The following LRRTM4 variants were observed in gnomAD, a reference collection of about 807,000 sequenced individuals.
The protein encoded by LRRTM4 is leucine-rich repeat transmembrane neuronal protein 4.
A neutral mutation model predicts 47.6 loss-of-function variants in LRRTM4; 25 were observed. The ratio of observed to expected loss-of-function variants is 0.53; its 90% confidence interval spans 0.38 to 0.73. LRRTM4 has a LOEUF of 0.73. Among genes scored for constraint, LRRTM4 ranks in the 30% least tolerant of loss-of-function variants. The pLI, the probability that LRRTM4 is intolerant of heterozygous loss-of-function variation, is 0.00. For synonymous variants in LRRTM4, 311 were observed against 269.5 expected (o/e 1.15, Z -1.51); for missense variants, 638 against 713.4 (o/e 0.89, Z 1.20).
chr2:77,382,141 C>T (rs1673078957), intron 3 of LRRTM4, among the ~76,000 whole-genome samples: 1 of 151,968 alleles, frequency 6.6e-6, no homozygotes, highest in South Asian at 2.1e-4. Context: ...GCTTATTATA[C>T]ACTCTGAATA....
chr2:77,002,404 T>A (rs1677465674), intron 3 of LRRTM4, among the ~76,000 whole-genome samples: 1 of 152,066 alleles, frequency 6.6e-6, no homozygotes, highest in Non-Finnish European at 1.5e-5. Flanking sequence ...TGTATGCAGA[T>A]CCCCAGCAAA....
At chr2:76,788,619 T>C (rs1162942235) in intron 3 of LRRTM4, among the ~76,000 whole-genome samples, 1 of 152,182 alleles carries the variant, frequency 6.6e-6, no homozygotes, top group East Asian at 1.9e-4. Context: ...TAAGCTTAGA[T>C]CAAAATTTAA....
intron 3 of LRRTM4, chr2:77,517,891 A>T: frequency 1.0e-6 from 1 of 988,440 alleles, no homozygotes; most frequent in Non-Finnish European, 1.2e-6. Flanking sequence ...AATCTTCATT[A>T]CCTTCTGGAA....
intron 3 of LRRTM4, among the ~76,000 whole-genome samples, chr2:76,981,995 T>C (rs1676625711): frequency 6.6e-6 from 1 of 152,116 alleles, no homozygotes; most frequent in Non-Finnish European, 1.5e-5. Flanking sequence ...TGCCCTTTGA[T>C]GCAAGGGGGC....
chr2:77,397,251 G>A (rs1673739593), intron 3 of LRRTM4, among the ~76,000 whole-genome samples: 1 of 151,762 alleles, frequency 6.6e-6, no homozygotes, highest in South Asian at 2.1e-4. Flanking sequence ...AATGGAGACT[G>A]GAACTCAGGT....
At chr2:77,359,846 C>T (rs1011922765) in intron 3 of LRRTM4, among the ~76,000 whole-genome samples, 1 of 152,108 alleles carries the variant, frequency 6.6e-6, no homozygotes, top group African/African-American at 2.4e-5. Context: ...ACAGTATTTG[C>T]TTTACAGGTT....
intron 3 of LRRTM4, among the ~76,000 whole-genome samples, chr2:77,429,689 T>C (rs1218695310): frequency 6.6e-6 from 1 of 152,054 alleles, no homozygotes; most frequent in African/African-American, 2.4e-5. Flanking sequence ...GGAATGGCGG[T>C]TATCAGGAGC....
chr2:76,922,398 C>A (rs1674460426), intron 3 of LRRTM4, among the ~76,000 whole-genome samples: 1 of 151,972 alleles, frequency 6.6e-6, no homozygotes, highest in African/African-American at 2.4e-5. Context: ...TGGGAAGTGC[C>A]ACATACTTTC....
At chr2:77,130,462 C>G (rs940725031) in intron 3 of LRRTM4, among the ~76,000 whole-genome samples, 5 of 152,004 alleles carry the variant, frequency 3.3e-5, no homozygotes, top group Non-Finnish European at 7.4e-5. Flanking sequence ...CATAGTAAAA[C>G]TAATGTTATT....
At chr2:77,417,669 A>G (rs143215598) in intron 3 of LRRTM4, among the ~76,000 whole-genome samples, 1 of 151,822 alleles carries the variant, frequency 6.6e-6, no homozygotes, top group Non-Finnish European at 1.5e-5. Flanking sequence ...AAGGACAAAA[A>G]ACCAAGCACC....
chr2:77,183,005 A>G (rs1410381413), intron 3 of LRRTM4, among the ~76,000 whole-genome samples: 1 of 152,238 alleles, frequency 6.6e-6, no homozygotes, highest in South Asian at 2.1e-4. Flanking sequence ...AGGCAATACC[A>G]TTCAGGACAT....
chr2:77,260,231 T>C (rs1454743624), intron 3 of LRRTM4, among the ~76,000 whole-genome samples: 1 of 152,076 alleles, frequency 6.6e-6, no homozygotes, highest in African/African-American at 2.4e-5. Flanking sequence ...AATAAACCCA[T>C]CCAAAATTTC....
chr2:77,035,508 A>G (rs1428596184), intron 3 of LRRTM4, among the ~76,000 whole-genome samples: 6 of 152,040 alleles, frequency 3.9e-5, no homozygotes, highest in South Asian at 2.1e-4. Flanking sequence ...TATCATTTCT[A>G]TAATTTTATT....
At chr2:76,964,656 C>G (rs1468266323) in intron 3 of LRRTM4, among the ~76,000 whole-genome samples, 2 of 134,616 alleles carry the variant, frequency 1.5e-5, no homozygotes, top group Non-Finnish European at 3.1e-5. Flanking sequence ...AATTAATAAT[C>G]TAATCTTCCT....
At chr2:77,298,002 T>C (rs1317157461) in intron 3 of LRRTM4, among the ~76,000 whole-genome samples, 1 of 152,146 alleles carries the variant, frequency 6.6e-6, no homozygotes, top group African/African-American at 2.4e-5. Flanking sequence ...CTTTTCGAAT[T>C]AAGCATGATG....
intron 3 of LRRTM4, among the ~76,000 whole-genome samples, chr2:77,396,851 C>G (rs60613213): frequency 1.3e-5 from 2 of 151,742 alleles, no homozygotes; most frequent in Non-Finnish European, 2.9e-5. Context: ...TTTGAATATA[C>G]GTTTCTTAAA....
chr2:77,504,586 T>C (rs2104086126), intron 3 of LRRTM4, among the ~76,000 whole-genome samples: 1 of 151,724 alleles, frequency 6.6e-6, no homozygotes, highest in East Asian at 1.9e-4. Flanking sequence ...CTGTAGATCT[T>C]TAGCCATTAT....
chr2:77,067,529 T>C (rs756734489), intron 3 of LRRTM4, among the ~76,000 whole-genome samples: 1 of 151,880 alleles, frequency 6.6e-6, no homozygotes, highest in Non-Finnish European at 1.5e-5. Flanking sequence ...TTTTAAAGAA[T>C]CTTTTTAAGT....
chr2:77,145,780 T>A (rs1010081842), intron 3 of LRRTM4, among the ~76,000 whole-genome samples: 4 of 149,516 alleles, frequency 2.7e-5, no homozygotes, highest in Admixed American at 6.7e-5. Flanking sequence ...TCTCAAAAAA[T>A]AAATAAATAA....
Sources: gnomAD v4.1 joint callset for allele counts (sites outside exome capture counted in the v4.1 genomes callset) on GRCh38, gnomAD v4.1.1 for gene constraint, MANE v1.5 for transcripts, NCBI Gene and HGNC (gene_info 2026-07-23, HGNC 2026-07-21) for gene names.